The following RASSF4 variants were observed in gnomAD, a reference collection of about 807,000 sequenced individuals.
RASSF4 encodes the protein ras association domain-containing protein 4.
In RASSF4, 38 loss-of-function variants were observed where a neutral mutation model predicts 41.1. The ratio of observed to expected loss-of-function variants is 0.92; its 90% CI spans 0.71 to 1.21. The LOEUF is 1.21. Among genes scored for constraint, RASSF4 ranks in the 50% most tolerant of loss-of-function variants. The pLI is 0.00. For synonymous variants in RASSF4, 179 were observed against 163.4 expected (o/e 1.10, Z -0.73); for missense variants, 414 against 419.4 (o/e 0.99, Z 0.11).
At chr10:44,985,070 C>A in intron 6 of RASSF4, 100 bp downstream of exon 6, 2 of 1,365,392 alleles carry the variant, frequency 1.5e-6, no homozygotes, top group Non-Finnish European at 2.0e-6. Context: ...GCTGGCATTC[C>A]TGTGCCCTCA....
rs1842043274 is a variant in RASSF4 at position 44,989,734 on chromosome 10, C to T, written c.685+13C>T. On this transcript the variant is annotated intron_variant, in intron 8 of 10. Coordinates refer to ENST00000340258, the MANE Select transcript of RASSF4 (RefSeq NM_032023.4). ...CACGAGTCTGGGGGTAAGTACCTGC[C>T]CCACTTCTGGATCGTAAAAGCAAAA... is the stretch of plus-strand genomic sequence containing the variant. The T allele has an allele frequency of 6.2e-7, 1 of 1,613,274 alleles. No homozygotes were observed.
chr10:44,970,016 G>A, intron 1 of RASSF4, 149 bp from the exon 2 acceptor site: 2 of 615,178 alleles, frequency 3.3e-6, no homozygotes, highest in South Asian at 3.7e-5. Flanking sequence ...GTGGGTCTGG[G>A]CCAGACCCTT....
chr10:44,991,146 T>C, intron 9 of RASSF4, 77 bp downstream of exon 9: 1 of 1,394,918 alleles, frequency 7.2e-7, no homozygotes, highest in Non-Finnish European at 9.7e-7. Context: ...CAAGGACTCC[T>C]GGCCAGAGCC....
chr10:44,962,822 G>A (rs10900145), intron 1 of RASSF4, among the ~76,000 whole-genome samples: 5 of 152,030 alleles, frequency 3.3e-5, no homozygotes, highest in African/African-American at 1.2e-4. Context: ...AAGGTGTAAG[G>A]GGGGAGCAGG....
chr10:44,964,206 C>T (rs1840814992), intron 1 of RASSF4, among the ~76,000 whole-genome samples: 1 of 152,276 alleles, frequency 6.6e-6, no homozygotes, highest in Non-Finnish European at 1.5e-5. Flanking sequence ...AAAGGGAGAA[C>T]AACTCACTGC....
chr10:44,982,349 C>T, intron 3 of RASSF4, 172 bp from the exon 4 acceptor site: 1 of 783,394 alleles, frequency 1.3e-6, no homozygotes, highest in Middle Eastern at 2.2e-4. Flanking sequence ...TCCCACAGGG[C>T]CTGGTCACAC....
At position 44,982,678 on chromosome 10, in the gene RASSF4, G is replaced by A. The variant is rs760892828; in HGVS notation, c.281+15G>A. 1 of 1,610,934 alleles carries A rather than the reference G, an allele frequency of 6.2e-7. No homozygotes were observed. The highest frequency in any genetic ancestry group is 1.1e-5 in the South Asian group (1 of 90,726). ...AGCTGCCCTCTGTGAGTACCCGGTGGCTTCTGTGACACCTGCTCAGCCTGA... is the reference window on the plus strand; with the variant it reads ...AGCTGCCCTCTGTGAGTACCCGGTGACTTCTGTGACACCTGCTCAGCCTGA... On this transcript the variant is annotated intron_variant, in intron 4 of 10. Transcript: ENST00000340258.
intron 1 of RASSF4, among the ~76,000 whole-genome samples, chr10:44,962,678 G>A (rs11239295): frequency 0.069 from 10,438 of 152,308 alleles, 472 homozygotes; most frequent in Middle Eastern, 0.14. Context: ...TTTTGAGCAC[G>A]TTTGGCCCGA....
chr10:44,991,003 G>C lies in RASSF4; in HGVS notation c.741G>C (p.Gly247=), dbSNP rs1324081692. 2 of 1,613,788 alleles carry C rather than the reference G, an allele frequency of 1.2e-6. No individual in the cohort carries two copies. Among genetic ancestry groups the C allele is most frequent in the East Asian group, 2.2e-5 (1 of 44,860 alleles). The part of the protein sequence containing the change: ...EYPLISRILH[G]PCEKIARIFL... ...CGCTGATTTCCAGAATCCTGCATGG[G>C]CCATGTGAGAAGATCGCCAGGATCT... Residue 247 remains glycine, a synonymous_variant, in exon 9 of 11, where the codon GGG becomes GGC. Coordinates refer to ENST00000340258, the MANE Select transcript of RASSF4 (RefSeq NM_032023.4).
chr10:44,975,719 C>T (rs1187853723), intron 3 of RASSF4, among the ~76,000 whole-genome samples: 1 of 150,482 alleles, frequency 6.6e-6, no homozygotes, highest in Non-Finnish European at 1.5e-5. Flanking sequence ...CTGCCAGAAG[C>T]CCCAACCACA....
At chr10:44,971,633 C>A in intron 2 of RASSF4, 140 bp from the exon 3 acceptor site, 1 of 767,946 alleles carries the variant, frequency 1.3e-6, no homozygotes, top group Non-Finnish European at 2.4e-6. Context: ...AGTCTGGTCT[C>A]CTCTGGTTAT....
chr10:44,974,559 G>A (rs546188117), intron 3 of RASSF4, among the ~76,000 whole-genome samples: 95 of 152,336 alleles, frequency 6.2e-4, no homozygotes, highest in Non-Finnish European at 1.0e-3. Context: ...CCCAAGCTAA[G>A]GGGCTCTCAG....
chr10:44,981,242 A>G (rs1290982371), intron 3 of RASSF4: 2 of 152,188 alleles, frequency 1.3e-5, no homozygotes, highest in African/African-American at 2.4e-5. Context: ...GAAATACTGC[A>G]TGATTCCCTT....
chr10:44,963,369 T>C (rs1180901289), intron 1 of RASSF4, among the ~76,000 whole-genome samples: 2 of 152,170 alleles, frequency 1.3e-5, no homozygotes. Context: ...GGGTACCCCC[T>C]CAGAGGCACC....
At chr10:44,982,485 G>A (rs1222919445) in intron 3 of RASSF4, 36 bp from the exon 4 acceptor site, 1 of 1,605,538 alleles carries the variant, frequency 6.2e-7, no homozygotes, top group Admixed American at 1.7e-5. Context: ...GTAGGCAGCT[G>A]CTCTGGGGGA....
intron 3 of RASSF4, among the ~76,000 whole-genome samples, chr10:44,979,070 CA>C (rs1212595013): frequency 6.6e-6 from 1 of 152,180 alleles, no homozygotes; most frequent in Non-Finnish European, 1.5e-5. Context: ...TGGGCCCTCA[CA>C]GGTAGCCCCA....
At chr10:44,964,550 C>A (rs961850363) in intron 1 of RASSF4, among the ~76,000 whole-genome samples, 2 of 152,240 alleles carry the variant, frequency 1.3e-5, no homozygotes, top group Non-Finnish European at 1.5e-5. Context: ...TCTCCTGACT[C>A]CTGCTGCCAC....
intron 1 of RASSF4, among the ~76,000 whole-genome samples, chr10:44,966,193 C>T (rs1840897123): frequency 6.6e-6 from 1 of 152,094 alleles, no homozygotes; most frequent in Admixed American, 6.6e-5. Flanking sequence ...AGAAGGCATG[C>T]AACGAAGCAC....
In RASSF4 at chr10:44,994,323, C is replaced by A. The variant is rs530969507; in HGVS notation, c.*994C>A. The A allele has an allele frequency of 2.0e-5, 3 of 152,774 alleles. No homozygotes were observed. The highest frequency in any genetic ancestry group is 4.8e-5 in the African/African-American group (2 of 41,584). The allele number at this position is 152,774 out of a possible 1,614,324, so 9.5% of individuals were successfully genotyped here. A position where few individuals can be genotyped will look rare whatever the true frequency, so the allele number is the denominator to read the frequency against. ...AGAATTTCAGGAATGAATGAGAAAG[C>A]CTTTGCGAAACTATGCAACAGTTTA... On this transcript the variant is annotated 3_prime_UTR_variant, in exon 11 of 11. Transcript: ENST00000340258.
Sources: allele counts gnomAD v4.1 joint callset (sites outside exome capture counted in the v4.1 genomes callset), GRCh38; gene constraint gnomAD v4.1.1; transcripts MANE v1.5; gene names NCBI Gene and HGNC (gene_info 2026-07-23, HGNC 2026-07-21).